ERAP1: variants seen among roughly 807,000 people sequenced by gnomAD.
ERAP1 encodes the protein adipocyte-derived leucine aminopeptidase.
ERAP1 carries 86 observed loss-of-function variants against 103.7 expected under a neutral mutation model. The observed-to-expected ratio is 0.83, with a 90% CI of 0.70 to 0.99. The LOEUF (loss-of-function observed/expected upper bound fraction) is 0.99. Ranked by LOEUF, ERAP1 falls within the 50% of genes least tolerant of loss-of-function variation. The probability of loss-of-function intolerance (pLI) is 0.00; values close to 1 mark genes in which losing one functional copy is unlikely to be tolerated. For synonymous variants in ERAP1, 398 were observed against 402.4 expected, an observed-to-expected ratio of 0.99 and a Z score of 0.13; for missense variants, 1,009 against 1,128.4, an observed-to-expected ratio of 0.89 and a Z score of 1.52.
chr5:96,879,670 C>T, the ERAP1 span: 1 of 1,607,770 alleles, frequency 6.2e-7, no homozygotes, highest in Non-Finnish European at 8.5e-7. Context: ...AACTTGTCTT[C>T]TAGAGAATAG....
downstream of ERAP1, chr5:96,772,465 C>G (rs1283103047): frequency 6.6e-6 from 1 of 152,474 alleles, no homozygotes; most frequent in Non-Finnish European, 1.5e-5. Context: ...TAGAACTGCT[C>G]TAACATTTTT....
chr5:96,901,580 G>C, the ERAP1 span: 1 of 1,614,112 alleles, frequency 6.2e-7, no homozygotes, highest in Non-Finnish European at 8.5e-7. Flanking sequence ...GAATCCCCCT[G>C]CTGGTGGTTA....
At chr5:96,934,450 A>T in the ERAP1 span, 1 of 152,258 alleles carries the variant, frequency 6.6e-6, no homozygotes, top group Admixed American at 6.5e-5. Flanking sequence ...TGATGGATGG[A>T]ACTTGGCGAC....
At chr5:96,874,707 G>T in the ERAP1 span, among the ~76,000 whole-genome samples, 1 of 152,172 alleles carries the variant, frequency 6.6e-6, no homozygotes, top group African/African-American at 2.4e-5. Context: ...GTTCTTTCAG[G>T]TTGAAATAAT....
the ERAP1 span, chr5:96,919,727 A>G: frequency 6.6e-6 from 1 of 152,334 alleles, no homozygotes; most frequent in East Asian, 1.9e-4. Context: ...TTAGTGTAGT[A>G]TTTCAAAAGC....
intron 2 of ERAP1, among the ~76,000 whole-genome samples, chr5:96,801,247 C>G (rs2150991417): frequency 6.6e-6 from 1 of 152,086 alleles, no homozygotes; most frequent in East Asian, 1.9e-4. Flanking sequence ...TACTTGAGCC[C>G]AGGAGTGTGA....
the ERAP1 span, among the ~76,000 whole-genome samples, chr5:96,877,136 G>A: frequency 0.041 from 6,299 of 152,084 alleles, 420 homozygotes; most frequent in African/African-American, 0.14. Flanking sequence ...CACCATGCCC[G>A]GCTAATTTTT....
chr5:96,829,994 A>G, the ERAP1 span, among the ~76,000 whole-genome samples: 3 of 152,218 alleles, frequency 2.0e-5, no homozygotes, highest in Non-Finnish European at 4.4e-5. Context: ...TTTTAAAAGA[A>G]ACCTTATCAA....
chr5:96,788,288 C>T (rs1201923666), intron 11 of ERAP1, among the ~76,000 whole-genome samples: 1 of 152,054 alleles, frequency 6.6e-6, no homozygotes, highest in Admixed American at 6.5e-5. Context: ...TATCAAATTA[C>T]AAAATATGAG....
chr5:96,794,975 A>G (rs1233111146), intron 5 of ERAP1, 67 bp downstream of exon 5: 5 of 1,586,540 alleles, frequency 3.2e-6, no homozygotes, highest in East Asian at 2.3e-5. Context: ...GGATGTGCCA[A>G]TTATAATGAC....
Position 96,788,569 on chromosome 5 carries a change from C to T in ERAP1, c.1641G>A (p.Glu547=). 1 of 1,614,208 alleles carries T rather than the reference C, an allele frequency of 6.2e-7. No individual in the cohort carries two copies. Among genetic ancestry groups the T allele is most frequent in the Non-Finnish European group, 8.5e-7 (1 of 1,180,022 alleles). The change falls in exon 11 of 19, where the codon GAG becomes GAA. Residue 547 remains glutamate, a synonymous_variant. Coordinates refer to ENST00000443439, the MANE Select transcript of ERAP1 (RefSeq NM_001040458.3). ...CGCCGTCAGAGCCCTTCATGTAGTG[C>T]TCTTGCTTCATGTGTACATTCCTCC... ...VRGRNVHMKQ[E]HYMKGSDGAP...
At chr5:96,825,765 T>C in the ERAP1 span, among the ~76,000 whole-genome samples, 1 of 152,236 alleles carries the variant, frequency 6.6e-6, no homozygotes, top group Non-Finnish European at 1.5e-5. Context: ...ATATTTCTTC[T>C]GTTGTAACAC....
At chr5:96,801,415 G>A (rs746008833) in intron 2 of ERAP1, among the ~76,000 whole-genome samples, 8 of 151,032 alleles carry the variant, frequency 5.3e-5, no homozygotes, top group East Asian at 3.9e-4. Flanking sequence ...CTGAGATTGC[G>A]CCATTGCACT....
chr5:96,886,813 A>G, the ERAP1 span: 2 of 1,419,448 alleles, frequency 1.4e-6, no homozygotes, highest in Admixed American at 2.2e-5. Flanking sequence ...CTAACGTTCT[A>G]CGCAGTGCAG....
the ERAP1 span, among the ~76,000 whole-genome samples, chr5:96,923,566 C>G: frequency 1.3e-5 from 2 of 151,344 alleles, no homozygotes; most frequent in Non-Finnish European, 3.0e-5. Flanking sequence ...CAGTGGCGGG[C>G]GCCCGTAGTC....
chr5:96,802,618 C>G (rs745922999), intron 2 of ERAP1, among the ~76,000 whole-genome samples: 7 of 152,058 alleles, frequency 4.6e-5, no homozygotes, highest in Non-Finnish European at 1.0e-4. Flanking sequence ...AAAACAGAAC[C>G]AAAGCAAGGT....
At chr5:96,889,342 C>T in the ERAP1 span, 2 of 1,611,814 alleles carry the variant, frequency 1.2e-6, no homozygotes, top group South Asian at 1.1e-5. Flanking sequence ...TTCATTTTTG[C>T]TCATAAAACT....
chr5:96,917,905 C>CA, the ERAP1 span: 6,351 of 49,140 alleles, frequency 0.13, 484 homozygotes, highest in African/African-American at 0.18. Flanking sequence ...GACTCTGTCT[C>CA]AAAAAAAAAA....
At position 96,775,617 on chromosome 5, in the gene ERAP1, G is replaced by T; in HGVS notation, c.*779C>A. 1.9e-6 allele frequency: 1 copy of T among 529,662 alleles called. No individual in the cohort carries two copies. The highest frequency in any genetic ancestry group is 2.4e-6 in the Non-Finnish European group (1 of 413,928). 32.8% of individuals were successfully genotyped at this position (529,662 alleles called of 1,614,324 possible). A position where few individuals can be genotyped will look rare whatever the true frequency, so the allele number is the denominator to read the frequency against. On this transcript the variant is annotated 3_prime_UTR_variant, in exon 19 of 19. Coordinates refer to ENST00000443439, the MANE Select transcript of ERAP1 (RefSeq NM_001040458.3). ...CACATTATGTAGAAACCACAAGTCC[G>T]CCAGGACTAGTAAAAGCCAGACTCC...
Sources: gnomAD v4.1 joint callset for allele counts (sites outside exome capture counted in the v4.1 genomes callset) on GRCh38, gnomAD v4.1.1 for gene constraint, MANE v1.5 for transcripts, NCBI Gene and HGNC (gene_info 2026-07-23, HGNC 2026-07-21) for gene names.